BICD2: variants seen among roughly 807,000 people sequenced by gnomAD.
BICD2 encodes BICD cargo adaptor 2, also known as protein bicaudal D homolog 2.
A neutral mutation model predicts 72.9 loss-of-function variants in BICD2; 25 were observed. The ratio of observed to expected loss-of-function variants is 0.34; its 90% CI spans 0.25 to 0.48. The LOEUF (loss-of-function observed/expected upper bound fraction) is 0.48, where lower values mean the gene tolerates loss of function less well. BICD2 is among the 20% of genes least tolerant of loss of function. The pLI is 0.99. For synonymous variants in BICD2, 501 were observed against 516.1 expected (o/e 0.97, Z 0.40); for missense variants, 894 against 1,175.2 (o/e 0.76, Z 3.50).
intron 1 of BICD2, among the ~76,000 whole-genome samples, chr9:92,738,982 C>G (rs1266992902): frequency 6.6e-6 from 1 of 150,870 alleles, no homozygotes; most frequent in African/African-American, 2.4e-5. Flanking sequence ...ATGATGCCTG[C>G]CCCAGGGTGG....
intron 1 of BICD2, among the ~76,000 whole-genome samples, chr9:92,732,121 C>CAA (rs1485966572): frequency 6.6e-6 from 1 of 152,144 alleles, no homozygotes; most frequent in Non-Finnish European, 1.5e-5. Context: ...CAAAGGCGCA[C>CAA]AAATGAGGAA....
At chr9:92,758,928 C>A (rs140882914) in intron 1 of BICD2, among the ~76,000 whole-genome samples, 1 of 151,618 alleles carries the variant, frequency 6.6e-6, no homozygotes, top group African/African-American at 2.4e-5. Flanking sequence ...CAGGCCAAGG[C>A]GGGAGGATCG....
intron 1 of BICD2, among the ~76,000 whole-genome samples, chr9:92,751,118 C>G (rs112896308): frequency 4.2e-5 from 6 of 143,004 alleles, no homozygotes; most frequent in African/African-American, 1.5e-4. Flanking sequence ...ACCATGTTGG[C>G]CAGGGTGGTT....
At chr9:92,721,471 G>A (rs571896147) in intron 3 of BICD2, among the ~76,000 whole-genome samples, 2 of 152,344 alleles carry the variant, frequency 1.3e-5, no homozygotes, top group African/African-American at 2.4e-5. Flanking sequence ...GATGCCTGAT[G>A]TGGAGGCTCA....
intron 2 of BICD2, 140 bp from the exon 3 acceptor site, chr9:92,722,948 G>A (rs1853494769): frequency 1.9e-6 from 2 of 1,030,580 alleles, no homozygotes; most frequent in Non-Finnish European, 2.8e-6. Context: ...TGACTGCCTG[G>A]AGAGGAGAGG....
In BICD2 at chr9:92,713,443, C is replaced by A; in HGVS notation, c.*1711G>T. On this transcript the variant is annotated 3_prime_UTR_variant, in exon 7 of 7. Transcript: ENST00000356884. The stretch of plus-strand genomic sequence containing the variant: ...TGACAGGGCCGGGTGGCCAAGTCCT[C>A]CTGGCAGCTACTCTACAGCTGAAAA... 1 of 1,589,664 alleles carries A rather than the reference C, an allele frequency of 6.3e-7. No homozygotes were observed. The highest frequency in any genetic ancestry group is 2.3e-5 in the East Asian group (1 of 44,208).
At chr9:92,722,059 A>T (rs1853474015) in intron 3 of BICD2, among the ~76,000 whole-genome samples, 2 of 152,244 alleles carry the variant, frequency 1.3e-5, no homozygotes, top group South Asian at 4.1e-4. Context: ...CCCACCATGC[A>T]GGAGTGTGGC....
Position 92,720,373 on chromosome 9 carries a change from G to T in BICD2, c.989C>A (p.Pro330His), listed in dbSNP as rs1564060970. The change falls in exon 4 of 7, where the codon CCC becomes CAC. Residue 330 changes from proline (P) to histidine (H), a missense_variant. By Grantham distance (77) the Pro-to-His change is moderately conservative (BLOSUM62 -2). Transcript: ENST00000356884. This position sits in a 1 kb window ranked among gnomAD's most constrained non-coding sequence, Gnocchi z 5.4. Reference protein sequence around the residue: ...PKKEGLAPPSPSLVSDLLSEL... With the variant: ...PKKEGLAPPSHSLVSDLLSEL... ...ACTGAGTAGGTCGGAGACGAGGCTG[G>T]GGGAGGGCGGTGCGAGGCCCTCCTT... The T allele has an allele frequency of 3.3e-5, 54 of 1,613,970 alleles. No individual in the cohort carries two copies. The highest frequency in any genetic ancestry group is 4.5e-5 in the Non-Finnish European group (53 of 1,180,038).
At chr9:92,755,659 G>T (rs1050262834) in intron 1 of BICD2, among the ~76,000 whole-genome samples, 3 of 152,284 alleles carry the variant, frequency 2.0e-5, no homozygotes, top group African/African-American at 7.2e-5. Context: ...AATTATCTTA[G>T]GTCACATTTT....
At chr9:92,745,314 G>A (rs933832959) in intron 1 of BICD2, among the ~76,000 whole-genome samples, 1 of 152,134 alleles carries the variant, frequency 6.6e-6, no homozygotes, top group African/African-American at 2.4e-5. Context: ...GGTATAGTTG[G>A]GAGATGGATG....
intron 1 of BICD2, among the ~76,000 whole-genome samples, chr9:92,742,447 C>T (rs552499845): frequency 1.3e-5 from 2 of 150,810 alleles, no homozygotes; most frequent in South Asian, 2.1e-4. Context: ...TGCAGTGGCG[C>T]GATCTTGGCT....
chr9:92,738,442 T>C (rs60173654), intron 1 of BICD2, among the ~76,000 whole-genome samples: 41,846 of 152,074 alleles, frequency 0.28, 6,875 homozygotes, highest in East Asian at 0.76. Context: ...TGTAGCCAGC[T>C]AGTGGGGCTG....
intron 1 of BICD2, among the ~76,000 whole-genome samples, chr9:92,738,039 G>A (rs986206094): frequency 6.6e-6 from 1 of 152,218 alleles, no homozygotes; most frequent in Admixed American, 6.5e-5. Flanking sequence ...CCACTGCCCT[G>A]CCCACTTCCC....
In BICD2 at chr9:92,747,025, G is replaced by C. The variant is rs998735355; in HGVS notation, c.240+17480C>G. Among the ~76,000 whole-genome samples the C allele has an allele frequency of 3.3e-5, 5 of 152,308 alleles. No homozygotes were observed. In the South Asian group the frequency reaches 6.2e-4, roughly 19 times the overall value. On this transcript the variant is annotated intron_variant, in intron 1 of 6. Coordinates refer to ENST00000356884, the MANE Select transcript of BICD2 (RefSeq NM_001003800.2). ...AAAAAATGCAGCCTGGACTGAAATG[G>C]GGCTCAGCTCTGTCTCACAGTGAAC...
chr9:92,724,869 C>T (rs1424065569), intron 2 of BICD2, among the ~76,000 whole-genome samples: 1 of 152,176 alleles, frequency 6.6e-6, no homozygotes, highest in Non-Finnish European at 1.5e-5. Flanking sequence ...CCTGCTTTTT[C>T]CTTGCTAACT....
At chr9:92,740,508 G>A (rs1225110874) in intron 1 of BICD2, among the ~76,000 whole-genome samples, 1 of 151,816 alleles carries the variant, frequency 6.6e-6, no homozygotes, top group Admixed American at 6.6e-5. Flanking sequence ...TCAGGATCAC[G>A]GCCAAAGCAG....
intron 2 of BICD2, among the ~76,000 whole-genome samples, chr9:92,726,339 C>G (rs1466496330): frequency 6.6e-6 from 1 of 152,026 alleles, no homozygotes; most frequent in Admixed American, 6.6e-5. Flanking sequence ...AACCAGTTGA[C>G]CCAAGGGAGG....
intron 1 of BICD2, among the ~76,000 whole-genome samples, chr9:92,760,355 G>A (rs778810451): frequency 1.3e-5 from 2 of 152,180 alleles, no homozygotes; most frequent in Non-Finnish European, 2.9e-5. Flanking sequence ...CCAGGTCCAC[G>A]CCTCCACATG....
chr9:92,759,535 C>T (rs538881135), intron 1 of BICD2, among the ~76,000 whole-genome samples: 15 of 152,326 alleles, frequency 9.8e-5, no homozygotes, highest in African/African-American at 2.9e-4. Flanking sequence ...CTCCATCCAC[C>T]TCCCACAGCA....
Sources: gnomAD v4.1 joint callset for allele counts (sites outside exome capture counted in the v4.1 genomes callset) on GRCh38, gnomAD v4.1.1 for gene constraint, Gnocchi (gnomAD v3.1) non-coding constraint, MANE v1.5 for transcripts, NCBI Gene and HGNC (gene_info 2026-07-23, HGNC 2026-07-21) for gene names.